Variants in RRBP1 observed in about 807,000 individuals in gnomAD.
RRBP1 encodes ribosome-binding protein 1.
A neutral mutation model predicts 165.2 loss-of-function variants in RRBP1; 94 were observed. That is an observed-to-expected ratio of 0.57 (90% CI 0.48 to 0.68). The LOEUF is 0.68. Ranked by LOEUF, RRBP1 falls within the 30% of genes least tolerant of loss-of-function variation. The probability of loss-of-function intolerance (pLI) is 0.00; values close to 1 mark genes in which losing one functional copy is unlikely to be tolerated. For missense variants in RRBP1, 1,676 were observed against 1,763.0 expected (o/e 0.95, Z 0.88); for synonymous variants, 680 against 714.5 (o/e 0.95, Z 0.77).
At position 17,658,953 on chromosome 20, in the gene RRBP1, C is replaced by T. The variant is rs761857030; in HGVS notation, c.1555G>A (p.Gly519Ser). The part of the protein sequence containing the change: ...GQKGEGAQNQ[G>S]KKTEGAQGKK... ...CCCTGAGCCCCTTCTGTCTTTTTAC[C>T]CTGATTCTGGGCTCCCTCTCCTTTT... The change falls in exon 3 of 25, where the codon GGT (glycine) becomes AGT (serine). Residue 519 changes from glycine (G) to serine (S), a missense_variant. Transcript: ENST00000377813. 6.2e-7 allele frequency: 1 copy of T among 1,612,826 alleles called. No homozygotes were observed. The highest frequency in any genetic ancestry group is 8.5e-7 in the Non-Finnish European group (1 of 1,179,794).
intron 9 of RRBP1, 40 bp downstream of exon 9, chr20:17,629,783 C>T: frequency 6.3e-7 from 1 of 1,575,648 alleles, no homozygotes; most frequent in Non-Finnish European, 8.6e-7. Context: ...AGACCCAGCA[C>T]CCTGCACTGA....
chr20:17,621,791 CG>C lies in RRBP1; in HGVS notation c.3241-19del. 3.1e-6 allele frequency: 5 copies of C among 1,613,656 alleles called. No homozygotes were observed. Among genetic ancestry groups the C allele is most frequent in the Non-Finnish European group, 4.2e-6 (5 of 1,179,762 alleles). The stretch of plus-strand genomic sequence containing the variant: ...GTGTAATTCTGCAATGAAACACATT[CG>C]GTGAGACCCGGGGACATTCCCTGAG... On this transcript the variant is annotated intron_variant, in intron 14 of 24. Transcript: ENST00000377813.
intron 8 of RRBP1, 22 bp downstream of exon 8, chr20:17,633,438 G>A (rs2036190722): frequency 6.2e-7 from 1 of 1,607,694 alleles, no homozygotes; most frequent in Non-Finnish European, 8.5e-7. Context: ...AGGGCACTGA[G>A]GCGGCCACTG....
chr20:17,656,629 G>A, intron 3 of RRBP1, among the ~76,000 whole-genome samples: 1 of 152,072 alleles, frequency 6.6e-6, no homozygotes, highest in East Asian at 1.9e-4. Flanking sequence ...AATTACAACA[G>A]TTGGGAGACG....
chr20:17,624,259 C>T lies in RRBP1; in HGVS notation c.3147+317G>A, dbSNP rs72488692. On this transcript the variant is annotated intron_variant, in intron 13 of 24. Coordinates refer to ENST00000377813, the MANE Select transcript of RRBP1 (RefSeq NM_001365613.2). ...TGGCGTGGACTCAGGAGCTCTGAGGCCAAGGCCACTCTGTGCGCACTTAGT... is the reference window on the plus strand; with the variant it reads ...TGGCGTGGACTCAGGAGCTCTGAGGTCAAGGCCACTCTGTGCGCACTTAGT... Among the ~76,000 whole-genome samples, 1,421 of 152,318 alleles carry T rather than the reference C, an allele frequency of 9.3e-3. 20 individuals are homozygous for T. The highest frequency in any genetic ancestry group is 0.045 in the East Asian group (233 of 5,170).
chr20:17,625,546 C>A lies in RRBP1; in HGVS notation c.3020G>T (p.Arg1007Met). 6.2e-7 allele frequency: 1 copy of A among 1,613,944 alleles called. No homozygotes were observed. Among genetic ancestry groups the A allele is most frequent in the Non-Finnish European group, 8.5e-7 (1 of 1,179,928 alleles). Residue 1007 changes from arginine to methionine, a missense_variant, in exon 12 of 25, where the codon AGG becomes ATG. Coordinates refer to ENST00000377813, the MANE Select transcript of RRBP1 (RefSeq NM_001365613.2). ...SGLEKEAIEL[R>M]EAVEQQKVKN... ...CACTTTCTGCTGCTCGACGGCCTCC[C>A]TGAGCTCGATGGCCTCCTTCTCCAG...
chr20:17,613,825 C>T lies in RRBP1; in HGVS notation c.*357G>A, dbSNP rs943200402. Reference sequence around the variant, plus strand: ...TGGCTGCCCGGTCCCACCCGCTTCCCGCCCCGCCCCACTGAAAAAACACTA... The same window carrying T: ...TGGCTGCCCGGTCCCACCCGCTTCCTGCCCCGCCCCACTGAAAAAACACTA... On this transcript the variant is annotated 3_prime_UTR_variant, in exon 25 of 25. Transcript: ENST00000377813. 1.3e-5 allele frequency: 3 copies of T among 224,304 alleles called. No homozygotes were observed. Among genetic ancestry groups the T allele is most frequent in the East Asian group, 1.1e-4 (1 of 9,058 alleles). 13.9% of individuals were successfully genotyped at this position (224,304 alleles called of 1,614,324 possible).
Position 17,660,056 on chromosome 20 carries a change from G to C in RRBP1, c.452C>G (p.Pro151Arg). 6.2e-7 allele frequency: 1 copy of C among 1,613,834 alleles called. No homozygotes were observed. Among genetic ancestry groups the C allele is most frequent in the African/African-American group, 1.3e-5 (1 of 75,046 alleles). The change falls in exon 3 of 25, where the codon CCA becomes CGA. Residue 151 changes from proline (P) to arginine (R), a missense_variant. Around this residue, in one of 5 missense-constraint regions of RRBP1, gnomAD observed 392 missense variants for 382.5 expected, o/e 1.02. Transcript: ENST00000377813. Reference protein sequence around the residue: ...KKEKKVAKVEPAVSSVVNSIQ... With the variant: ...KKEKKVAKVERAVSSVVNSIQ... ...GGAATTCACTACAGAGCTGACAGCTGGTTCCACTTTTGCCACTTTTTTCTC... is the reference window on the plus strand; with the variant it reads ...GGAATTCACTACAGAGCTGACAGCTCGTTCCACTTTTGCCACTTTTTTCTC...
At position 17,643,853 on chromosome 20, in the gene RRBP1, C is replaced by T. The variant is rs934240261; in HGVS notation, c.1913-726G>A. Among the ~76,000 whole-genome samples the T allele has an allele frequency of 2.6e-5, 4 of 152,108 alleles. No homozygotes were observed. The highest frequency in any genetic ancestry group is 4.8e-5 in the African/African-American group (2 of 41,410). On this transcript the variant is annotated intron_variant, in intron 3 of 24. Coordinates refer to ENST00000377813, the MANE Select transcript of RRBP1 (RefSeq NM_001365613.2). The surrounding 1 kb of genome is among the most constrained non-coding windows in gnomAD (Gnocchi z 4.3). ...GTCACTTCTGAAAAACTAAAACTGC[C>T]GACACCCCCCACGCCCCTCCCCACA... is the stretch of plus-strand genomic sequence containing the variant.
At chr20:17,627,477 C>T in intron 10 of RRBP1, 27 bp downstream of exon 10, 1 of 1,605,380 alleles carries the variant, frequency 6.2e-7, no homozygotes, top group Middle Eastern at 1.7e-4. Context: ...TCCCTTTCCT[C>T]CCCGTGGCCC....
At chr20:17,641,284 C>G (rs916567799) in intron 5 of RRBP1, among the ~76,000 whole-genome samples, 2 of 152,244 alleles carry the variant, frequency 1.3e-5, no homozygotes, top group African/African-American at 2.4e-5. Context: ...GCCACGCCAT[C>G]CGCTGATACG....
intron 2 of RRBP1, among the ~76,000 whole-genome samples, chr20:17,675,829 G>C (rs998452119): frequency 4.6e-5 from 7 of 152,154 alleles, no homozygotes; most frequent in African/African-American, 1.7e-4. Flanking sequence ...GGAGTGACAT[G>C]GTCTGCTCTG....
chr20:17,630,453 T>C (rs1187738592), intron 8 of RRBP1, among the ~76,000 whole-genome samples: 4 of 152,190 alleles, frequency 2.6e-5, no homozygotes, highest in Admixed American at 1.3e-4. Flanking sequence ...CCACGTGAAA[T>C]TGTCAGTGTT....
In RRBP1 at chr20:17,627,659, A is replaced by C. The variant is rs770821438; in HGVS notation, c.2773T>G (p.Ser925Ala). 3 of 1,608,788 alleles carry C rather than the reference A, an allele frequency of 1.9e-6. No individual in the cohort carries two copies. The highest frequency in any genetic ancestry group is 2.7e-5 in the African/African-American group (2 of 74,750). Residue 925 changes from serine to alanine, a missense_variant, in exon 10 of 25, where the codon TCC becomes GCC. Physicochemically the swap from Ser to Ala is moderately conservative, Grantham distance 99. Coordinates refer to ENST00000377813, the MANE Select transcript of RRBP1 (RefSeq NM_001365613.2). ...CATTTGCTGCGCACCTCCGCCTCGGAGGACTGTAACTTGCTGTGCAGCTCT... is the reference window on the plus strand; with the variant it reads ...CATTTGCTGCGCACCTCCGCCTCGGCGGACTGTAACTTGCTGTGCAGCTCT... ...MAELHSKLQS[S>A]EAEVRSKCEE...
At chr20:17,632,505 A>T (rs1180527766) in intron 8 of RRBP1, among the ~76,000 whole-genome samples, 1 of 152,220 alleles carries the variant, frequency 6.6e-6, no homozygotes, top group African/African-American at 2.4e-5. Context: ...ACCCCAATTC[A>T]AACTGTTTCT....
Position 17,619,650 on chromosome 20 carries a change from C to A in RRBP1, c.3658G>T (p.Ala1220Ser), listed in dbSNP as rs201224607. 1.3e-5 allele frequency: 21 copies of A among 1,612,050 alleles called. No individual in the cohort carries two copies. The highest frequency in any genetic ancestry group is 1.7e-5 in the Non-Finnish European group (20 of 1,179,440). The change falls in exon 19 of 25, where the codon GCC becomes TCC. Residue 1220 changes from alanine (A) to serine (S), a missense_variant. This residue lies in a region of RRBP1 where 1,184 missense variants were observed against 1,167.1 expected (regional missense o/e 1.01). Transcript: ENST00000377813. Reference sequence around the variant, plus strand: ...AGACTCACCCCTGCCACCTCCTTGGCGTAGTTCTGGCACTCGGCGCTGGCG... The same window carrying A: ...AGACTCACCCCTGCCACCTCCTTGGAGTAGTTCTGGCACTCGGCGCTGGCG... The part of the protein sequence containing the change: ...AAASAECQNY[A>S]KEVAGLRQLL...
rs897973811 is a variant in RRBP1 at position 17,657,962 on chromosome 20, G to A, written c.1912+634C>T. Among the ~76,000 whole-genome samples the A allele has an allele frequency of 2.0e-5, 3 of 152,292 alleles. No homozygotes were observed. In the East Asian group the frequency reaches 5.8e-4, roughly 29 times the overall value. ...AAGCATCAGGTGAGGCAAGAACATCGAACAGGCTGACAGAACGCAGCCAGA... is the reference window on the plus strand; with the variant it reads ...AAGCATCAGGTGAGGCAAGAACATCAAACAGGCTGACAGAACGCAGCCAGA... On this transcript the variant is annotated intron_variant, in intron 3 of 24. Transcript: ENST00000377813.
In RRBP1 at chr20:17,620,357, A is replaced by G; in HGVS notation, c.3521T>C (p.Val1174Ala). ...EEELQKSRVT[V>A]KHLEEIVEKL... ...CTCTACAATCTCTTCGAGATGCTTC[A>G]CTGTGACCCGGGACTACAAAGCAAG... The change falls in exon 18 of 25, where the codon GTG becomes GCG. Residue 1174 changes from valine to alanine, a missense_variant. Physicochemically the swap from Val to Ala is moderately conservative, Grantham distance 64 (BLOSUM62 0). Transcript: ENST00000377813. 6.2e-7 allele frequency: 1 copy of G among 1,613,722 alleles called. No individual in the cohort carries two copies. The highest frequency in any genetic ancestry group is 8.5e-7 in the Non-Finnish European group (1 of 1,179,858).
rs907958561 is a variant in RRBP1, at chr20:17,613,808, C to T, written c.*374G>A. 7 of 214,588 alleles carry T rather than the reference C, an allele frequency of 3.3e-5. No homozygotes were observed. Among genetic ancestry groups the T allele is most frequent in the South Asian group, 7.8e-5 (1 of 12,860 alleles). The allele number at this position is 214,588 out of a possible 1,614,324, so 13.3% of individuals were successfully genotyped here. On this transcript the variant is annotated 3_prime_UTR_variant, in exon 25 of 25. Coordinates refer to ENST00000377813, the MANE Select transcript of RRBP1 (RefSeq NM_001365613.2). ...CCACAGCCTTTGAGAACTGGCTGCC[C>T]GGTCCCACCCGCTTCCCGCCCCGCC... is the stretch of plus-strand genomic sequence containing the variant.
Sources: gnomAD v4.1 joint callset for allele counts (sites outside exome capture counted in the v4.1 genomes callset) on GRCh38, gnomAD v4.1.1 for gene constraint, gnomAD v4.1.1 regional missense constraint, Gnocchi (gnomAD v3.1) non-coding constraint, MANE v1.5 for transcripts, NCBI Gene and HGNC (gene_info 2026-07-23, HGNC 2026-07-21) for gene names.